The following DOK6 variants were observed in gnomAD, a reference collection of about 807,000 sequenced individuals.
DOK6 encodes the protein docking protein 6.
Under a neutral mutation model 44.0 loss-of-function variants are expected in DOK6, and 22 were observed. The ratio of observed to expected loss-of-function variants is 0.50; its 90% CI spans 0.36 to 0.71. The LOEUF is 0.71. Ranked by LOEUF, DOK6 falls within the 30% of genes least tolerant of loss-of-function variation. DOK6 has a pLI of 0.00. For synonymous variants in DOK6, 166 were observed against 145.5 expected (o/e 1.14, Z -1.01); for missense variants, 340 against 416.4 (o/e 0.82, Z 1.60).
intron 7 of DOK6, among the ~76,000 whole-genome samples, chr18:69,837,084 A>G (rs1341641002): frequency 6.6e-6 from 1 of 152,218 alleles, no homozygotes; most frequent in East Asian, 1.9e-4. Context: ...AGGTGAAGAA[A>G]GCGATGCTGA....
intron 4 of DOK6, among the ~76,000 whole-genome samples, chr18:69,691,710 CTT>C (rs1986272148): frequency 6.6e-6 from 1 of 152,164 alleles, no homozygotes; most frequent in African/African-American, 2.4e-5. Context: ...CAAGTGCACA[CTT>C]TATAGTTAGC....
intron 2 of DOK6, among the ~76,000 whole-genome samples, chr18:69,566,894 C>T (rs528168448): frequency 1.3e-5 from 2 of 151,502 alleles, no homozygotes; most frequent in African/African-American, 4.8e-5. Flanking sequence ...GCATGTGGAG[C>T]AGCCCTTCCT....
intron 1 of DOK6, among the ~76,000 whole-genome samples, chr18:69,508,116 G>T (rs1981247811): frequency 6.6e-6 from 1 of 152,026 alleles, no homozygotes; most frequent in African/African-American, 2.4e-5. Flanking sequence ...TCAAAGATTA[G>T]TTGTGGGTTT....
intron 2 of DOK6, among the ~76,000 whole-genome samples, chr18:69,598,758 G>C (rs770570169): frequency 2.2e-4 from 33 of 152,076 alleles, no homozygotes; most frequent in Non-Finnish European, 3.4e-4. Context: ...AATACATAAG[G>C]CTACTAGATA....
chr18:69,431,206 G>T (rs142233878), intron 1 of DOK6, among the ~76,000 whole-genome samples: 49 of 152,260 alleles, frequency 3.2e-4, no homozygotes, highest in African/African-American at 1.2e-3. Flanking sequence ...ATTTTCAGCA[G>T]GCACAAAGCA....
At chr18:69,639,648 T>C (rs1400991886) in intron 3 of DOK6, among the ~76,000 whole-genome samples, 1 of 152,102 alleles carries the variant, frequency 6.6e-6, no homozygotes, top group Admixed American at 6.5e-5. Flanking sequence ...TCCATACTAG[T>C]TAGGGCCTAA....
In DOK6 at chr18:69,643,084, A is replaced by T. The variant is rs147227673; in HGVS notation, c.290-34650A>T. 5.2e-3 allele frequency among the ~76,000 whole-genome samples: 796 copies of T among 152,252 alleles called. 6 individuals are homozygous for T. Among genetic ancestry groups the T allele is most frequent in the African/African-American group, 0.018 (740 of 41,562 alleles). ...CATTATGGCCCTATGGATTCTTTTTATATTCACTGTAATAAACCATTACTA... is the reference window on the plus strand; with the variant it reads ...CATTATGGCCCTATGGATTCTTTTTTTATTCACTGTAATAAACCATTACTA... On this transcript the variant is annotated intron_variant, in intron 3 of 7. Coordinates refer to ENST00000382713, the MANE Select transcript of DOK6 (RefSeq NM_152721.6).
At chr18:69,401,377 GGGCAGGGAGAGGTGA>G in intron 1 of DOK6, 67 bp downstream of exon 1, 3 of 1,420,316 alleles carry the variant, frequency 2.1e-6, no homozygotes, top group East Asian at 3.0e-5. Context: ...CCTGGGGGGG[GGGCAGGGAGAGGTGA>G]CCCGTGCGGG....
intron 1 of DOK6, 63 bp downstream of exon 1, chr18:69,401,373 G>T (rs981198062): frequency 4.7e-5 from 67 of 1,425,036 alleles, no homozygotes; most frequent in East Asian, 2.7e-4. Context: ...GCTGCCTGGG[G>T]GGGGGGCAGG....
chr18:69,760,359 G>A (rs1430202359), intron 7 of DOK6, among the ~76,000 whole-genome samples: 1 of 152,124 alleles, frequency 6.6e-6, no homozygotes, highest in African/African-American at 2.4e-5. Context: ...CACTGAGTGC[G>A]GTGGCTCATC....
rs144359165 is a variant in DOK6, at chr18:69,564,950, G to A, written c.174+356G>A. ...ACAATATTTACTAGATAAAAATTAGGGGGCTGCCTTTAACAGTGCTAATGA... is the reference window on the plus strand; with the variant it reads ...ACAATATTTACTAGATAAAAATTAGAGGGCTGCCTTTAACAGTGCTAATGA... On this transcript the variant is annotated intron_variant, in intron 2 of 7. Coordinates refer to ENST00000382713, the MANE Select transcript of DOK6 (RefSeq NM_152721.6). 1.3e-3 allele frequency among the ~76,000 whole-genome samples: 200 copies of A among 152,148 alleles called. 1 individual carries two copies. Among genetic ancestry groups the A allele is most frequent in the African/African-American group, 4.5e-3 (188 of 41,502 alleles).
chr18:69,608,083 GATA>G (rs1984044487), intron 3 of DOK6, among the ~76,000 whole-genome samples: 1 of 152,088 alleles, frequency 6.6e-6, no homozygotes, highest in African/African-American at 2.4e-5. Context: ...AAATCAAAAT[GATA>G]ATGAGAATAA....
rs200655503 is a variant in DOK6 at position 69,758,219 on chromosome 18, C to G, written c.856+346C>G. Among the ~76,000 whole-genome samples, 43 of 152,218 alleles carry G rather than the reference C, an allele frequency of 2.8e-4. No homozygotes were observed. The East Asian group carries it at 7.7e-3, about 27-fold the overall frequency. On this transcript the variant is annotated intron_variant, in intron 7 of 7. Transcript: ENST00000382713. ...TTATGAAGGATTTCTTTTTTCGCAT[C>G]TTTTTTTCCTTGAAAGGATTCAATA...
At position 69,819,772 on chromosome 18, in the gene DOK6, C is replaced by A. The variant is rs183065398; in HGVS notation, c.857-21472C>A. 8.8e-4 allele frequency among the ~76,000 whole-genome samples: 134 copies of A among 152,120 alleles called. 3 individuals carry two copies. The highest frequency in any genetic ancestry group is 3.1e-3 in the African/African-American group (127 of 41,512). ...TAAGTGAAATGATGCTGTATTTGTCCTTCTGTGTCAGGTTTATTTCACTTA... is the reference window on the plus strand; with the variant it reads ...TAAGTGAAATGATGCTGTATTTGTCATTCTGTGTCAGGTTTATTTCACTTA... On this transcript the variant is annotated intron_variant, in intron 7 of 7. Transcript: ENST00000382713.
intron 1 of DOK6, among the ~76,000 whole-genome samples, chr18:69,410,051 C>T (rs974274853): frequency 6.6e-6 from 1 of 152,120 alleles, no homozygotes; most frequent in Non-Finnish European, 1.5e-5. Context: ...ACACCTAGTA[C>T]CAAGTCATGA....
In DOK6 at chr18:69,465,994, A is replaced by G. The variant is rs78853361; in HGVS notation, c.66+64684A>G. Among the ~76,000 whole-genome samples the G allele has an allele frequency of 2.2e-4, 34 of 152,298 alleles. No individual in the cohort carries two copies. In the East Asian group the frequency reaches 4.6e-3, roughly 21 times the overall value. On this transcript the variant is annotated intron_variant, in intron 1 of 7. Coordinates refer to ENST00000382713, the MANE Select transcript of DOK6 (RefSeq NM_152721.6). ...GAAATAGTTAAATTAAGCTTACTAA[A>G]CTTTCACCTGACATACTTTTTTTGT...
At chr18:69,669,609 G>GTTAC (rs1985745366) in intron 3 of DOK6, among the ~76,000 whole-genome samples, 1 of 152,008 alleles carries the variant, frequency 6.6e-6, no homozygotes, top group South Asian at 2.1e-4. Flanking sequence ...GTACTTTCAG[G>GTTAC]TTACTGGTGG....
Position 69,757,764 on chromosome 18 carries a change from A to T in DOK6, c.747A>T (p.Thr249=), listed in dbSNP as rs1228818562. Residue 249 remains threonine (T), a synonymous_variant, in exon 7 of 8, where the codon ACA becomes ACT. Transcript: ENST00000382713. The stretch of plus-strand genomic sequence containing the variant: ...ATTCTTTTCTCTTTTAGCTTCAGAC[A>T]AGCTTGACTGAACCAATGACATTAT... The part of the protein sequence containing the change: ...LEMEQKARLQ[T]SLTEPMTLSK... 1.2e-6 allele frequency: 2 copies of T among 1,613,926 alleles called. No individual in the cohort carries two copies. Among genetic ancestry groups the T allele is most frequent in the Admixed American group, 3.3e-5 (2 of 59,998 alleles).
chr18:69,565,065 A>T (rs553790940), intron 2 of DOK6, among the ~76,000 whole-genome samples: 1 of 152,216 alleles, frequency 6.6e-6, no homozygotes, highest in Non-Finnish European at 1.5e-5. Flanking sequence ...GATAAGGCAT[A>T]AATACTTGGA....
Sources: gnomAD v4.1 joint callset for allele counts (sites outside exome capture counted in the v4.1 genomes callset) on GRCh38, gnomAD v4.1.1 for gene constraint, MANE v1.5 for transcripts, NCBI Gene and HGNC (gene_info 2026-07-23, HGNC 2026-07-21) for gene names.